DAW1: variants seen among roughly 807,000 people sequenced by gnomAD.
DAW1 encodes the protein dynein assembly factor with WD repeats 1.
DAW1 carries 47 observed loss-of-function variants against 56.5 expected under a neutral mutation model. That is an observed-to-expected ratio of 0.83 (90% CI 0.66 to 1.06). DAW1 has a LOEUF of 1.06. DAW1 is among the 50% of genes least tolerant of loss of function. The pLI, the probability that DAW1 is intolerant of heterozygous loss-of-function variation, is 0.00. For synonymous variants in DAW1, 190 were observed against 179.0 expected (o/e 1.06, Z -0.49); for missense variants, 505 against 499.3 (o/e 1.01, Z -0.11).
At chr2:227,907,026 GCA>G (rs1428786417) in intron 9 of DAW1, 110 bp from the exon 10 acceptor site, 5 of 659,228 alleles carry the variant, frequency 7.6e-6, no homozygotes, top group South Asian at 4.3e-5. Flanking sequence ...AGTGATTTTT[GCA>G]CAGTTATTTA....
chr2:227,889,661 T>C, intron 2 of DAW1, 195 bp from the exon 3 acceptor site: 1 of 411,170 alleles, frequency 2.4e-6, no homozygotes, highest in Non-Finnish European at 4.3e-6. Flanking sequence ...GCTTCTTGCT[T>C]TCCTGCCATC....
chr2:227,912,458 G>A, intron 10 of DAW1: 1 of 1,304,456 alleles, frequency 7.7e-7, no homozygotes, highest in Non-Finnish European at 1.0e-6. Context: ...GTCATCTGCT[G>A]TCAACAATAT....
At chr2:227,900,349 A>G (rs74362905) in intron 6 of DAW1, among the ~76,000 whole-genome samples, 3,644 of 152,328 alleles carry the variant, frequency 0.024, 69 homozygotes, top group Non-Finnish European at 0.039. Context: ...TCTTTTTCAC[A>G]GTCAACAACA....
chr2:227,911,211 T>TATATATAC (rs1356358757), intron 10 of DAW1, among the ~76,000 whole-genome samples: 5 of 135,408 alleles, frequency 3.7e-5, no homozygotes, highest in Non-Finnish European at 4.9e-5. Flanking sequence ...TATATATGTG[T>TATATATAC]ATATATACAT....
chr2:227,884,876 T>G (rs1053375128), intron 1 of DAW1, among the ~76,000 whole-genome samples: 1 of 152,108 alleles, frequency 6.6e-6, no homozygotes, highest in Non-Finnish European at 1.5e-5. Context: ...TGCAGCCAGA[T>G]CCAACTGCCT....
At chr2:227,894,311 GA>G (rs1162694839) in intron 5 of DAW1, among the ~76,000 whole-genome samples, 2 of 152,036 alleles carry the variant, frequency 1.3e-5, no homozygotes, top group Non-Finnish European at 2.9e-5. Flanking sequence ...AGCTACTCGG[GA>G]GGCTGAGGCA....
At chr2:227,888,749 T>C (rs1365907909) in intron 2 of DAW1, among the ~76,000 whole-genome samples, 1 of 152,238 alleles carries the variant, frequency 6.6e-6, no homozygotes, top group Non-Finnish European at 1.5e-5. Flanking sequence ...ATGGCTCTTT[T>C]TTGGATGCTT....
intron 1 of DAW1, among the ~76,000 whole-genome samples, chr2:227,873,832 T>C (rs1411722705): frequency 6.6e-6 from 1 of 152,070 alleles, no homozygotes; most frequent in Non-Finnish European, 1.5e-5. Context: ...AGGTGTGCAC[T>C]ACCAAGCCCA....
At chr2:227,912,174 G>A (rs950091400) in intron 10 of DAW1, 1 of 367,816 alleles carries the variant, frequency 2.7e-6, no homozygotes, top group Non-Finnish European at 5.3e-6. Context: ...GTTACATTCT[G>A]CCTCATCTCC....
At chr2:227,879,185 C>T (rs1382740337) in intron 1 of DAW1, among the ~76,000 whole-genome samples, 10 of 152,186 alleles carry the variant, frequency 6.6e-5, no homozygotes, top group Non-Finnish European at 1.5e-4. Context: ...GCGGTCATGC[C>T]TTGAAAGGAG....
At chr2:227,884,907 C>A (rs556072422) in intron 1 of DAW1, among the ~76,000 whole-genome samples, 214 of 152,304 alleles carry the variant, frequency 1.4e-3, no homozygotes, top group Non-Finnish European at 2.0e-3. Context: ...AGAATGTGCA[C>A]TGGGAACTGG....
intron 10 of DAW1, among the ~76,000 whole-genome samples, chr2:227,908,032 CTA>C (rs1398704930): frequency 1.3e-5 from 2 of 152,198 alleles, no homozygotes; most frequent in Non-Finnish European, 2.9e-5. Flanking sequence ...TGATTCTACA[CTA>C]TGTGTCATCT....
intron 10 of DAW1, among the ~76,000 whole-genome samples, chr2:227,909,911 G>A (rs1691776089): frequency 6.6e-6 from 1 of 152,022 alleles, no homozygotes; most frequent in South Asian, 2.1e-4. Context: ...AGCCACGTGG[G>A]TATCCCTTAA....
chr2:227,886,909 A>C (rs1691145220), intron 2 of DAW1, among the ~76,000 whole-genome samples: 1 of 152,256 alleles, frequency 6.6e-6, no homozygotes, highest in Admixed American at 6.5e-5. Context: ...ATCACAAAAG[A>C]AACAAAACAA....
In DAW1 at chr2:227,904,935, T is replaced by C. The variant is rs1691643801; in HGVS notation, c.655T>C (p.Ser219Pro). 1 of 1,612,444 alleles carries C rather than the reference T, an allele frequency of 6.2e-7. No individual in the cohort carries two copies. The highest frequency in any genetic ancestry group is 1.1e-5 in the South Asian group (1 of 90,822). Residue 219 changes from serine to proline, a missense_variant, in exon 8 of 13, where the codon TCT becomes CCT. Transcript: ENST00000309931. The part of the protein sequence containing the change: ...GEEVYTLRGH[S>P]AEIISLSFNT... ...GTATCTGCTCTTTTTCTAGGGACAT[T>C]CTGCCGAAATCATCTCCTTGTCATT...
intron 1 of DAW1, among the ~76,000 whole-genome samples, chr2:227,872,607 G>A (rs1231643519): frequency 2.0e-5 from 3 of 152,072 alleles, no homozygotes; most frequent in East Asian, 1.9e-4. Flanking sequence ...GCCAGTAGAA[G>A]GCATCATCAC....
At chr2:227,914,194 A>G (rs946902420) in intron 10 of DAW1, among the ~76,000 whole-genome samples, 4 of 151,996 alleles carry the variant, frequency 2.6e-5, no homozygotes, top group African/African-American at 7.2e-5. Flanking sequence ...ATATGGTGCT[A>G]TACTGTGTCT....
At chr2:227,920,662 A>G (rs1455888747) in intron 11 of DAW1, among the ~76,000 whole-genome samples, 2 of 151,694 alleles carry the variant, frequency 1.3e-5, no homozygotes, top group African/African-American at 2.4e-5. Context: ...AAAAATTTTT[A>G]TTTATTTATT....
chr2:227,911,580 C>G (rs1459590009), intron 10 of DAW1, among the ~76,000 whole-genome samples: 1 of 151,996 alleles, frequency 6.6e-6, no homozygotes, highest in Non-Finnish European at 1.5e-5. Context: ...ATGCCCTATA[C>G]AAAGGGCTGT....
Sources: allele counts gnomAD v4.1 joint callset (sites outside exome capture counted in the v4.1 genomes callset), GRCh38; gene constraint gnomAD v4.1.1; transcripts MANE v1.5; gene names NCBI Gene and HGNC (gene_info 2026-07-23, HGNC 2026-07-21).